CPPED1: variants seen among roughly 807,000 people sequenced by gnomAD.
CPPED1 encodes serine/threonine-protein phosphatase CPPED1.
A neutral mutation model predicts 28.0 loss-of-function variants in CPPED1; 28 were observed. The ratio of observed to expected loss-of-function variants is 1.00; its 90% CI spans 0.74 to 1.37. CPPED1 has a LOEUF of 1.37. Ranked by LOEUF, CPPED1 falls within the 40% of genes most tolerant of loss-of-function variation. The probability of loss-of-function intolerance (pLI) is 0.00; values close to 1 mark genes in which losing one functional copy is unlikely to be tolerated. For synonymous variants in CPPED1, 198 were observed against 180.2 expected (o/e 1.10, Z -0.79); for missense variants, 504 against 416.5 (o/e 1.21, Z -1.83).
intron 1 of CPPED1, among the ~76,000 whole-genome samples, chr16:12,795,196 G>A (rs1354810242): frequency 6.6e-6 from 1 of 152,246 alleles, no homozygotes; most frequent in Non-Finnish European, 1.5e-5. Flanking sequence ...CACATGGCCA[G>A]GCTAACAGAA....
chr16:12,709,236 G>A lies in CPPED1; in HGVS notation c.290-4187C>T, dbSNP rs914976914. Among the ~76,000 whole-genome samples the A allele has an allele frequency of 6.6e-6, 1 of 152,130 alleles. No homozygotes were observed. The highest frequency in any genetic ancestry group is 6.6e-5 in the Admixed American group (1 of 15,258). ...GTTCACAAAAAGAATGTATATAAAG[G>A]ACAGGAAGAAAGGCAGGGAAACAAG... On this transcript the variant is annotated intron_variant, in intron 2 of 3. Transcript: ENST00000381774. The surrounding 1 kb of genome is among the most constrained non-coding windows in gnomAD (Gnocchi z 4.4).
chr16:12,799,154 G>A (rs1321968018), intron 1 of CPPED1, among the ~76,000 whole-genome samples: 1 of 151,998 alleles, frequency 6.6e-6, no homozygotes, highest in Non-Finnish European at 1.5e-5. Flanking sequence ...AAGGTGAAGG[G>A]TTCAGAGCTG....
At position 12,742,138 on chromosome 16, in the gene CPPED1, G is replaced by C. The variant is rs931626938; in HGVS notation, c.290-37089C>G. On this transcript the variant is annotated intron_variant, in intron 2 of 3. Transcript: ENST00000381774. The stretch of plus-strand genomic sequence containing the variant: ...ATATATTCTTACAAATACATGAATA[G>C]AGAAATATGTGGAAATGACCATGAT... 7.2e-5 allele frequency among the ~76,000 whole-genome samples: 11 copies of C among 152,210 alleles called. 1 individual carries two copies. In the East Asian group the frequency reaches 2.1e-3, roughly 29 times the overall value.
intron 2 of CPPED1, among the ~76,000 whole-genome samples, chr16:12,714,930 T>C (rs2080099482): frequency 6.6e-6 from 1 of 150,922 alleles, no homozygotes; most frequent in Non-Finnish European, 1.5e-5. Flanking sequence ...GTTTTAGCTC[T>C]TCTTTGGGCT....
chr16:12,716,118 T>C (rs550735114), intron 2 of CPPED1, among the ~76,000 whole-genome samples: 13 of 152,314 alleles, frequency 8.5e-5, no homozygotes, highest in Middle Eastern at 3.4e-3. Flanking sequence ...TTATTCTGCT[T>C]AAATGAAAAA....
intron 3 of CPPED1, among the ~76,000 whole-genome samples, chr16:12,704,068 C>T (rs1381205750): frequency 6.6e-6 from 1 of 152,208 alleles, no homozygotes; most frequent in African/African-American, 2.4e-5. Context: ...GAACTGTCCG[C>T]TAAAGCCACA....
intron 2 of CPPED1, among the ~76,000 whole-genome samples, chr16:12,776,635 T>C (rs1029818059): frequency 2.0e-5 from 3 of 152,082 alleles, no homozygotes; most frequent in Non-Finnish European, 4.4e-5. Flanking sequence ...AAGATGTGCC[T>C]TTCAGCTGGG....
At chr16:12,727,385 C>T (rs959998685) in intron 2 of CPPED1, among the ~76,000 whole-genome samples, 1 of 152,166 alleles carries the variant, frequency 6.6e-6, no homozygotes, top group African/African-American at 2.4e-5. Context: ...TACAATCTTG[C>T]TCTGCTGCCC....
intron 2 of CPPED1, among the ~76,000 whole-genome samples, chr16:12,766,699 G>A (rs2080441908): frequency 6.6e-6 from 1 of 152,146 alleles, no homozygotes; most frequent in South Asian, 2.1e-4. Flanking sequence ...AACCAGGGGG[G>A]CGCAGGTTGC....
intron 1 of CPPED1, among the ~76,000 whole-genome samples, chr16:12,792,350 G>A (rs994319905): frequency 4.6e-5 from 7 of 152,178 alleles, no homozygotes; most frequent in African/African-American, 1.7e-4. Context: ...CAGACATTTT[G>A]AGGTATCACA....
intron 3 of CPPED1, among the ~76,000 whole-genome samples, chr16:12,676,241 C>T (rs2079877190): frequency 6.6e-6 from 1 of 152,128 alleles, no homozygotes; most frequent in South Asian, 2.1e-4. Flanking sequence ...TAGCTTGAGA[C>T]AATAAACATC....
At chr16:12,729,361 T>C (rs1197926419) in intron 2 of CPPED1, among the ~76,000 whole-genome samples, 1 of 152,192 alleles carries the variant, frequency 6.6e-6, no homozygotes, top group East Asian at 1.9e-4. Context: ...TGCCTGGACT[T>C]GAAGAACGTG....
intron 2 of CPPED1, among the ~76,000 whole-genome samples, chr16:12,758,259 C>G (rs2141224645): frequency 6.6e-6 from 1 of 152,212 alleles, no homozygotes; most frequent in Middle Eastern, 3.4e-3. Context: ...ATACAGATAT[C>G]ATCGCCCCTG....
intron 3 of CPPED1, among the ~76,000 whole-genome samples, chr16:12,704,331 G>A (rs2080036143): frequency 6.6e-6 from 1 of 152,162 alleles, no homozygotes; most frequent in Non-Finnish European, 1.5e-5. Flanking sequence ...GGCACACTGA[G>A]TACTTAGGCT....
intron 2 of CPPED1, among the ~76,000 whole-genome samples, chr16:12,751,248 G>T (rs973226356): frequency 2.0e-5 from 3 of 152,094 alleles, no homozygotes; most frequent in Non-Finnish European, 2.9e-5. Context: ...CCTTCTTTTT[G>T]TTGGCAGCAA....
intron 2 of CPPED1, among the ~76,000 whole-genome samples, chr16:12,747,529 C>G (rs2080298136): frequency 6.6e-6 from 1 of 152,058 alleles, no homozygotes; most frequent in South Asian, 2.1e-4. Flanking sequence ...TGAAAAATCA[C>G]TCATGGAAAA....
intron 3 of CPPED1, among the ~76,000 whole-genome samples, chr16:12,668,363 A>T (rs192740397): frequency 6.6e-6 from 1 of 152,232 alleles, no homozygotes; most frequent in African/African-American, 2.4e-5. Context: ...TTTGGTGGAA[A>T]CTTAAAGCAT....
At chr16:12,746,602 G>A (rs575327060) in intron 2 of CPPED1, among the ~76,000 whole-genome samples, 3 of 151,162 alleles carry the variant, frequency 2.0e-5, no homozygotes, top group Non-Finnish European at 3.0e-5. Flanking sequence ...AACTATGTGG[G>A]CAAACACAGA....
At chr16:12,667,609 T>G (rs1057356971) in intron 3 of CPPED1, among the ~76,000 whole-genome samples, 11 of 151,980 alleles carry the variant, frequency 7.2e-5, no homozygotes, top group Admixed American at 6.6e-4. Context: ...GTAAAATAAA[T>G]GAGATCAATT....
Sources: allele counts gnomAD v4.1 joint callset (sites outside exome capture counted in the v4.1 genomes callset), GRCh38; gene constraint gnomAD v4.1.1; non-coding constraint Gnocchi (gnomAD v3.1); transcripts MANE v1.5; gene names NCBI Gene and HGNC (gene_info 2026-07-23, HGNC 2026-07-21).